The following CYLD variants were observed in gnomAD, a reference collection of about 807,000 sequenced individuals.
The protein encoded by CYLD is CYLD lysine 63 deubiquitinase.
CYLD carries 26 observed loss-of-function variants against 104.5 expected under a neutral mutation model. The ratio of observed to expected loss-of-function variants is 0.25; its 90% CI spans 0.18 to 0.35. The LOEUF is 0.35. CYLD is among the 10% of genes least tolerant of loss of function. The pLI is 1.00. For missense variants in CYLD, 703 were observed against 1,136.1 expected, an observed-to-expected ratio of 0.62 and a Z score of 5.48; for synonymous variants, 385 against 399.9, an observed-to-expected ratio of 0.96 and a Z score of 0.45.
intron 12 of CYLD, chr16:50,786,534 C>T (rs756394714): frequency 1.0e-4 from 24 of 232,044 alleles, no homozygotes; most frequent in East Asian, 6.1e-4. Flanking sequence ...CCGAGGTGGG[C>T]GGATCACTTG....
intron 5 of CYLD, among the ~76,000 whole-genome samples, chr16:50,769,406 G>A (rs1334421109): frequency 6.6e-6 from 1 of 152,112 alleles, no homozygotes; most frequent in Non-Finnish European, 1.5e-5. Flanking sequence ...GTTTTACTCT[G>A]CGCTTCATTG....
chr16:50,762,794 A>G (rs1388877974), intron 5 of CYLD, among the ~76,000 whole-genome samples: 1 of 152,148 alleles, frequency 6.6e-6, no homozygotes, highest in African/African-American at 2.4e-5. Context: ...GCTTACTTGC[A>G]TTTTGATGCA....
intron 12 of CYLD, chr16:50,786,065 T>C (rs1182235394): frequency 6.6e-6 from 1 of 152,234 alleles, no homozygotes; most frequent in Non-Finnish European, 1.5e-5. Flanking sequence ...ATTGAATGTG[T>C]CTTGCATTCA....
chr16:50,782,300 A>C (rs775008189), intron 10 of CYLD, 25 bp from the exon 11 acceptor site: 1 of 1,491,406 alleles, frequency 6.7e-7, no homozygotes, highest in South Asian at 1.2e-5. Flanking sequence ...CTTTTCATTT[A>C]CTTTTTTTAA....
intron 5 of CYLD, among the ~76,000 whole-genome samples, chr16:50,754,639 C>T (rs1223179186): frequency 6.8e-6 from 1 of 147,300 alleles, no homozygotes; most frequent in Non-Finnish European, 1.5e-5. Flanking sequence ...CCCATTCTTT[C>T]CCCCTGAGTC....
intron 14 of CYLD, among the ~76,000 whole-genome samples, chr16:50,790,710 GTT>G (rs200415440): frequency 6.9e-6 from 1 of 144,328 alleles, no homozygotes; most frequent in Non-Finnish European, 1.5e-5. Context: ...GAATAGCTGA[GTT>G]TTTTTTTTTT....
chr16:50,753,198 C>A (rs966736970), intron 4 of CYLD, among the ~76,000 whole-genome samples: 13 of 152,180 alleles, frequency 8.5e-5, no homozygotes, highest in African/African-American at 3.1e-4. Context: ...AAAGTTAGAA[C>A]CAGAGTAAAA....
At chr16:50,750,976 A>T (rs1938300708) in intron 3 of CYLD, among the ~76,000 whole-genome samples, 1 of 152,222 alleles carries the variant, frequency 6.6e-6, no homozygotes, top group Non-Finnish European at 1.5e-5. Context: ...CAAACTTAAT[A>T]TTCATTCACA....
In CYLD at chr16:50,798,843, T is replaced by C. The variant is rs9646285; in HGVS notation, c.*2335T>C. 1,751 of 233,420 alleles carry C rather than the reference T, an allele frequency of 7.5e-3. 11 individuals are homozygous for C. The highest frequency in any genetic ancestry group is 0.012 in the Non-Finnish European group (1,402 of 118,062). The allele number at this position is 233,420 out of a possible 1,614,324, so 14.5% of individuals were successfully genotyped here. On this transcript the variant is annotated 3_prime_UTR_variant, in exon 19 of 19. Coordinates refer to ENST00000427738, the MANE Select transcript of CYLD (RefSeq NM_001378743.1). ...CTTCTTCAGGTGGAGCTTGACGTCT[T>C]TTTAATGTTACTTGGGGAGGGAGTG...
chr16:50,796,836 C>G lies in CYLD; in HGVS notation c.*328C>G. 1 of 390,986 alleles carries G rather than the reference C, an allele frequency of 2.6e-6. No homozygotes were observed. The highest frequency in any genetic ancestry group is 4.1e-5 in the Admixed American group (1 of 24,576). The allele number at this position is 390,986 out of a possible 1,614,324, so 24.2% of individuals were successfully genotyped here. A position where few individuals can be genotyped will look rare whatever the true frequency, so the allele number is the denominator to read the frequency against. ...AATTTTAATTGTGGAAGTTTAAAGC[C>G]TCTTTTAGTCCATTGAGAATGTAAA... is the stretch of plus-strand genomic sequence containing the variant. On this transcript the variant is annotated 3_prime_UTR_variant, in exon 19 of 19. Coordinates refer to ENST00000427738, the MANE Select transcript of CYLD (RefSeq NM_001378743.1).
rs998457060 is a variant in CYLD at position 50,797,832 on chromosome 16, C to A, written c.*1324C>A. The A allele has an allele frequency of 2.2e-5, 5 of 232,488 alleles. No homozygotes were observed. The highest frequency in any genetic ancestry group is 4.2e-5 in the Non-Finnish European group (5 of 117,660). 14.4% of individuals were successfully genotyped at this position (232,488 alleles called of 1,614,324 possible). On this transcript the variant is annotated 3_prime_UTR_variant, in exon 19 of 19. Coordinates refer to ENST00000427738, the MANE Select transcript of CYLD (RefSeq NM_001378743.1). The stretch of plus-strand genomic sequence containing the variant: ...AACCCTGCAATTACTTTTTTAAAGG[C>A]ACTTTTACTCTTTGGTTTTATCATT...
intron 5 of CYLD, among the ~76,000 whole-genome samples, chr16:50,772,917 GCA>G (rs1333529853): frequency 2.0e-5 from 3 of 152,112 alleles, no homozygotes; most frequent in Non-Finnish European, 4.4e-5. Flanking sequence ...TATCTATATG[GCA>G]CCTTCAAGCA....
intron 5 of CYLD, among the ~76,000 whole-genome samples, chr16:50,766,401 C>G (rs985115020): frequency 6.6e-6 from 1 of 152,210 alleles, no homozygotes; most frequent in African/African-American, 2.4e-5. Flanking sequence ...ATTGATGATG[C>G]AACTGGTCAC....
rs560264180 is a variant in CYLD, at chr16:50,770,250, T to C, written c.914-4916T>C. On this transcript the variant is annotated intron_variant, in intron 5 of 18. Transcript: ENST00000427738. ...TTCCAGAGTGACTGTACTCTTACTT[T>C]ACCACTGGCAATATATGGGTAATCT... Among the ~76,000 whole-genome samples the C allele has an allele frequency of 9.2e-5, 14 of 152,326 alleles. No homozygotes were observed. The South Asian group carries it at 2.3e-3, about 25-fold the overall frequency.
rs537180291 is a variant in CYLD at position 50,793,423 on chromosome 16, A to G, written c.2351-123A>G. The stretch of plus-strand genomic sequence containing the variant: ...GAGCTTAAGCAGATGGAAGAGAAAG[A>G]GACTTTTTTGAAGCCATGAACATTG... On this transcript the variant is annotated intron_variant, in intron 16 of 18. Coordinates refer to ENST00000427738, the MANE Select transcript of CYLD (RefSeq NM_001378743.1). 3.4e-5 allele frequency: 27 copies of G among 789,118 alleles called. 1 individual carries two copies. The highest frequency in any genetic ancestry group is 2.7e-4 in the African/African-American group (16 of 59,276). 48.9% of individuals were successfully genotyped at this position (789,118 alleles called of 1,614,324 possible). A position where few individuals can be genotyped will look rare whatever the true frequency, so the allele number is the denominator to read the frequency against.
At chr16:50,744,964 G>T (rs1966049296) in intron 2 of CYLD, 1 of 152,326 alleles carries the variant, frequency 6.6e-6, no homozygotes, top group African/African-American at 2.4e-5. Flanking sequence ...TCCTTCATCA[G>T]CGTCCTTAAA....
chr16:50,761,237 C>CT (rs1567432230), intron 5 of CYLD, among the ~76,000 whole-genome samples: 1 of 151,962 alleles, frequency 6.6e-6, no homozygotes, highest in African/African-American at 2.4e-5. Context: ...TGTCATTTGT[C>CT]TTTTTTTAAA....
intron 2 of CYLD, chr16:50,744,700 T>C (rs536075200): frequency 3.3e-5 from 5 of 152,504 alleles, no homozygotes; most frequent in African/African-American, 1.2e-4. Context: ...TAGCTACTGA[T>C]GTTCATTTGT....
intron 5 of CYLD, among the ~76,000 whole-genome samples, chr16:50,756,238 G>A (rs1596991609): frequency 6.6e-6 from 1 of 152,096 alleles, no homozygotes; most frequent in East Asian, 1.9e-4. Flanking sequence ...CATTCTTAGT[G>A]GGGGAAAAAC....
Sources: allele counts gnomAD v4.1 joint callset (sites outside exome capture counted in the v4.1 genomes callset), GRCh38; gene constraint gnomAD v4.1.1; transcripts MANE v1.5; gene names NCBI Gene and HGNC (gene_info 2026-07-23, HGNC 2026-07-21).